The following PDE1C variants were observed in gnomAD, a reference collection of about 807,000 sequenced individuals.
The protein encoded by PDE1C is phosphodiesterase 1C.
Under a neutral mutation model 93.1 loss-of-function variants are expected in PDE1C, and 62 were observed. That is an observed-to-expected ratio of 0.67 (90% CI 0.54 to 0.82). The LOEUF (loss-of-function observed/expected upper bound fraction) is 0.82. Ranked by LOEUF, PDE1C falls within the 40% of genes least tolerant of loss-of-function variation. PDE1C has a pLI of 0.00. For synonymous variants in PDE1C, 325 were observed against 310.1 expected, an observed-to-expected ratio of 1.05 and a Z score of -0.50; for missense variants, 742 against 884.6, an observed-to-expected ratio of 0.84 and a Z score of 2.04.
intron 1 of PDE1C, among the ~76,000 whole-genome samples, chr7:32,250,685 G>A (rs141705539): frequency 1.3e-5 from 2 of 152,158 alleles, no homozygotes; most frequent in East Asian, 1.9e-4. Flanking sequence ...AAGCAACAGC[G>A]CACAGCCCCA....
chr7:32,133,805 A>T (rs922559958), intron 3 of PDE1C, among the ~76,000 whole-genome samples: 62 of 152,312 alleles, frequency 4.1e-4, no homozygotes, highest in Admixed American at 1.6e-3. Flanking sequence ...CAACAAGTCA[A>T]TCTTAACCCA....
chr7:32,282,168 A>G (rs979855550), intron 1 of PDE1C, among the ~76,000 whole-genome samples: 20 of 151,750 alleles, frequency 1.3e-4, no homozygotes, highest in African/African-American at 1.7e-4. Flanking sequence ...AAAAAAAAAA[A>G]AAAGAAAGAA....
At chr7:31,837,053 G>C (rs1791204445) in intron 11 of PDE1C, 127 bp downstream of exon 11, 1 of 818,322 alleles carries the variant, frequency 1.2e-6, no homozygotes, top group Non-Finnish European at 1.8e-6. Flanking sequence ...AAAATAATCT[G>C]TGGAGCCCCC....
At chr7:32,337,291 C>T (rs982452594) in intron 1 of PDE1C, among the ~76,000 whole-genome samples, 4 of 152,214 alleles carry the variant, frequency 2.6e-5, no homozygotes, top group Non-Finnish European at 4.4e-5. Flanking sequence ...AAGGCAGACA[C>T]GTACCCTGAA....
chr7:32,135,364 C>CAT (rs1167416000), intron 3 of PDE1C, among the ~76,000 whole-genome samples: 2 of 152,002 alleles, frequency 1.3e-5, no homozygotes, highest in Non-Finnish European at 2.9e-5. Flanking sequence ...AGTTGCGAAC[C>CAT]ATATATCTGA....
chr7:31,903,932 G>T (rs1001597727), intron 2 of PDE1C, among the ~76,000 whole-genome samples: 1 of 152,128 alleles, frequency 6.6e-6, no homozygotes, highest in African/African-American at 2.4e-5. Context: ...AGATAAATAT[G>T]ATTGAGACAT....
chr7:31,651,097 G>C, the PDE1C span: 1 of 1,594,718 alleles, frequency 6.3e-7, no homozygotes, highest in Non-Finnish European at 8.5e-7. Flanking sequence ...CTCTTGCAGA[G>C]GATCAGAGAG....
Position 32,096,852 on chromosome 7 carries a change from TAGATAGATAGAC to T in PDE1C, c.308+72921_308+72932del, listed in dbSNP as rs1034923467. Reference sequence around the variant, plus strand: ...ATAGATAGATAGATAGATAGATAGATAGATAGATAGACAGACAGATCAACAGTCAGCCATAAA... The same window carrying T: ...ATAGATAGATAGATAGATAGATAGATAGACAGATCAACAGTCAGCCATAAA... On this transcript the variant is annotated intron_variant, in intron 3 of 18. Coordinates refer to the PDE1C transcript ENST00000396193. Among the ~76,000 whole-genome samples the T allele has an allele frequency of 3.5e-4, 53 of 151,574 alleles. No homozygotes were observed. The South Asian group carries it at 3.8e-3, about 11-fold the overall frequency.
intron 17 of PDE1C, among the ~76,000 whole-genome samples, chr7:31,762,343 C>T (rs1366782624): frequency 6.6e-6 from 1 of 152,076 alleles, no homozygotes; most frequent in African/African-American, 2.4e-5. Flanking sequence ...CCATTATCTA[C>T]ATTTTTTATT....
chr7:32,106,145 G>A (rs1200963078), intron 3 of PDE1C, among the ~76,000 whole-genome samples: 2 of 152,134 alleles, frequency 1.3e-5, no homozygotes, highest in Non-Finnish European at 2.9e-5. Flanking sequence ...CTGAGTAGCT[G>A]AGACTTGCAA....
At chr7:32,244,574 C>A (rs913652522) in intron 1 of PDE1C, among the ~76,000 whole-genome samples, 2 of 152,136 alleles carry the variant, frequency 1.3e-5, no homozygotes, top group Admixed American at 6.6e-5. Context: ...TTGGGCACGG[C>A]TTTCCAATGA....
At chr7:31,819,618 T>C (rs997414080) in intron 14 of PDE1C, among the ~76,000 whole-genome samples, 8 of 152,072 alleles carry the variant, frequency 5.3e-5, no homozygotes, top group Non-Finnish European at 1.2e-4. Context: ...AGCAAGCAGC[T>C]AAGAGTTAAG....
In PDE1C at chr7:32,420,287, GTA is replaced by G. The variant is rs1170286556; in HGVS notation, c.310+7533_310+7534del. On this transcript the variant is annotated intron_variant, in intron 1 of 1. Coordinates refer to the PDE1C transcript ENST00000672256. ...TATATATGTGTATATATATACATGT[GTA>G]TATATATGTGTATATATATACATGT... 7.5e-5 allele frequency among the ~76,000 whole-genome samples: 2 copies of G among 26,508 alleles called. 1 individual carries two copies. Among genetic ancestry groups the G allele is most frequent in the African/African-American group, 2.5e-4 (2 of 8,072 alleles). The allele number at this position is 26,508 out of a possible 152,430, so 17.4% of individuals were successfully genotyped here.
chr7:31,847,835 GAGAA>G (rs1455086905), intron 9 of PDE1C, 129 bp downstream of exon 9: 3 of 917,030 alleles, frequency 3.3e-6, no homozygotes, highest in Middle Eastern at 2.2e-4. Context: ...GTGAGAGTGA[GAGAA>G]AGAAAGAGAG....
intron 1 of PDE1C, among the ~76,000 whole-genome samples, chr7:32,060,488 A>G: frequency 6.6e-6 from 1 of 152,152 alleles, no homozygotes; most frequent in Non-Finnish European, 1.5e-5. Flanking sequence ...CCCTAAACAC[A>G]CGCTCTATAA....
intron 1 of PDE1C, among the ~76,000 whole-genome samples, chr7:32,285,006 G>A (rs1007287855): frequency 3.3e-5 from 5 of 151,042 alleles, no homozygotes; most frequent in Non-Finnish European, 7.4e-5. Context: ...CTCCAGCCTG[G>A]GCGACAGAGC....
chr7:31,690,814 C>CT, the PDE1C span, among the ~76,000 whole-genome samples: 1 of 152,260 alleles, frequency 6.6e-6, no homozygotes, highest in East Asian at 1.9e-4. Context: ...AAGTGTTTTA[C>CT]TAATGGTATG....
chr7:31,754,700 G>A (rs1794342172), intron 17 of PDE1C, among the ~76,000 whole-genome samples: 1 of 152,188 alleles, frequency 6.6e-6, no homozygotes, highest in Non-Finnish European at 1.5e-5. Context: ...TAACTATAGA[G>A]ATGATAAAAA....
chr7:31,992,679 G>C (rs1784279148), intron 2 of PDE1C, among the ~76,000 whole-genome samples: 1 of 152,218 alleles, frequency 6.6e-6, no homozygotes, highest in East Asian at 1.9e-4. Flanking sequence ...TCAATGGCTT[G>C]ATAGCAGAAC....
Sources: allele counts gnomAD v4.1 joint callset (sites outside exome capture counted in the v4.1 genomes callset), GRCh38; gene constraint gnomAD v4.1.1; transcripts MANE v1.5; gene names NCBI Gene and HGNC (gene_info 2026-07-23, HGNC 2026-07-21).